The following CTNNA2 variants were observed in gnomAD, a reference collection of about 807,000 sequenced individuals.
CTNNA2 encodes catenin alpha-2.
Under a neutral mutation model 101.0 loss-of-function variants are expected in CTNNA2, and 42 were observed. The observed-to-expected ratio is 0.42, with a 90% CI of 0.32 to 0.54. The LOEUF is 0.54. Ranked by LOEUF, CTNNA2 falls within the 20% of genes least tolerant of loss-of-function variation. CTNNA2 has a pLI of 0.14. For missense variants in CTNNA2, 871 were observed against 1,223.1 expected, an observed-to-expected ratio of 0.71 and a Z score of 4.29; for synonymous variants, 450 against 456.4, an observed-to-expected ratio of 0.99 and a Z score of 0.18.
intron 2 of CTNNA2, among the ~76,000 whole-genome samples, chr2:79,716,443 T>C (rs1285008071): frequency 2.0e-5 from 3 of 152,134 alleles, no homozygotes; most frequent in Non-Finnish European, 2.9e-5. Context: ...CAGCATCCAT[T>C]AGCTATTCTT....
At chr2:80,429,959 A>T (rs916199515) in intron 9 of CTNNA2, among the ~76,000 whole-genome samples, 2 of 152,234 alleles carry the variant, frequency 1.3e-5, no homozygotes, top group Non-Finnish European at 2.9e-5. Context: ...GTAACATTTC[A>T]ATATTTATAC....
At chr2:80,421,518 C>A (rs1162377217) in intron 9 of CTNNA2, among the ~76,000 whole-genome samples, 3 of 152,192 alleles carry the variant, frequency 2.0e-5, no homozygotes, top group Admixed American at 6.5e-5. Flanking sequence ...CACATCCACC[C>A]TCTCCCCTTA....
At chr2:80,484,720 G>T (rs915213346) in intron 9 of CTNNA2, among the ~76,000 whole-genome samples, 1 of 152,072 alleles carries the variant, frequency 6.6e-6, no homozygotes, top group African/African-American at 2.4e-5. Context: ...CAAAATAATG[G>T]GTCTGGCTGG....
chr2:79,619,137 C>T lies in CTNNA2; in HGVS notation c.-5-32415C>T, dbSNP rs139950815. Reference sequence around the variant, plus strand: ...AAGAGAATCACTTCAGCCTGGGAGGCGGAGGTTGCAGTGAGCCGAGATTGC... The same window carrying T: ...AAGAGAATCACTTCAGCCTGGGAGGTGGAGGTTGCAGTGAGCCGAGATTGC... On this transcript the variant is annotated intron_variant, in intron 1 of 18. Coordinates refer to ENST00000402739, the MANE Select transcript of CTNNA2 (RefSeq NM_001282597.3). 4.7e-4 allele frequency among the ~76,000 whole-genome samples: 71 copies of T among 152,312 alleles called. No individual in the cohort carries two copies. In the East Asian group the frequency reaches 0.01, roughly 22 times the overall value.
At chr2:80,298,640 T>G (rs1675971777) in intron 7 of CTNNA2, 1 of 152,246 alleles carries the variant, frequency 6.6e-6, no homozygotes, top group Admixed American at 6.5e-5. Flanking sequence ...TACTCATAAA[T>G]GTGTTGTTGA....
intron 2 of CTNNA2, 137 bp from the exon 3 acceptor site, chr2:79,744,250 G>A: frequency 2.7e-6 from 2 of 738,690 alleles, no homozygotes; most frequent in Non-Finnish European, 4.3e-6. Flanking sequence ...ATGTGAGGAG[G>A]CTAAGTGATG....
upstream of CTNNA2, among the ~76,000 whole-genome samples, chr2:79,509,405 G>A (rs1671487261): frequency 6.6e-6 from 1 of 152,216 alleles, no homozygotes; most frequent in South Asian, 2.1e-4. Flanking sequence ...GGTAAATAGA[G>A]ACAACTGAAT....
chr2:79,965,821 C>A (rs1360133525), intron 7 of CTNNA2, among the ~76,000 whole-genome samples: 25 of 55,234 alleles, frequency 4.5e-4, no homozygotes, highest in African/African-American at 1.8e-3. Flanking sequence ...TGGAGTGAGA[C>A]TATGTCAAAA....
intron 7 of CTNNA2, among the ~76,000 whole-genome samples, chr2:80,167,020 C>G (rs1047916462): frequency 6.6e-6 from 1 of 151,690 alleles, no homozygotes; most frequent in African/African-American, 2.4e-5. Flanking sequence ...GCCAGCCTGA[C>G]TTCTTCTTGC....
chr2:80,330,962 G>T (rs1356130943), intron 7 of CTNNA2, among the ~76,000 whole-genome samples: 1 of 151,428 alleles, frequency 6.6e-6, no homozygotes, highest in African/African-American at 2.4e-5. Flanking sequence ...ATTCTATTTT[G>T]GTTCCAAAAG....
At chr2:80,280,410 A>G (rs1429440788) in intron 7 of CTNNA2, among the ~76,000 whole-genome samples, 2 of 151,656 alleles carry the variant, frequency 1.3e-5, no homozygotes, top group Admixed American at 1.3e-4. Flanking sequence ...TAGGTAATAC[A>G]GCAAAAACAT....
intron 2 of CTNNA2, among the ~76,000 whole-genome samples, chr2:79,721,934 G>A (rs772790883): frequency 9.9e-5 from 15 of 152,062 alleles, no homozygotes; most frequent in Non-Finnish European, 1.5e-4. Context: ...AATAAATACC[G>A]TGCAGATGGG....
intron 2 of CTNNA2, among the ~76,000 whole-genome samples, chr2:79,658,375 G>T (rs1274303414): frequency 6.6e-6 from 1 of 151,922 alleles, no homozygotes; most frequent in Admixed American, 6.6e-5. Context: ...ATGCCTAATG[G>T]TATGCTTACA....
chr2:80,308,208 G>T (rs558284827), intron 7 of CTNNA2, among the ~76,000 whole-genome samples: 7 of 151,980 alleles, frequency 4.6e-5, no homozygotes, highest in Admixed American at 2.6e-4. Flanking sequence ...CTTCCAATTT[G>T]TTCATTTTAG....
At chr2:80,409,621 A>G (rs2149391865) in intron 8 of CTNNA2, among the ~76,000 whole-genome samples, 1 of 152,342 alleles carries the variant, frequency 6.6e-6, no homozygotes, top group African/African-American at 2.4e-5. Flanking sequence ...TAAATGACGG[A>G]ACACTGGCCC....
At chr2:79,371,051 T>C (rs1677859591) in intron 3 of CTNNA2, among the ~76,000 whole-genome samples, 1 of 152,052 alleles carries the variant, frequency 6.6e-6, no homozygotes, top group African/African-American at 2.4e-5. Flanking sequence ...GAGAAGTTTC[T>C]CTGCCACTCT....
At chr2:80,190,646 A>C (rs533353845) in intron 7 of CTNNA2, among the ~76,000 whole-genome samples, 4 of 152,208 alleles carry the variant, frequency 2.6e-5, no homozygotes, top group Admixed American at 6.5e-5. Flanking sequence ...AATCATTGCT[A>C]TCAGGTGCAT....
intron 7 of CTNNA2, among the ~76,000 whole-genome samples, chr2:80,293,600 G>A (rs988518205): frequency 1.3e-5 from 2 of 152,076 alleles, no homozygotes; most frequent in Admixed American, 6.5e-5. Context: ...TATGCTACCC[G>A]TCTGTTTAAG....
Position 80,608,195 on chromosome 2 carries a change from A to G in CTNNA2, c.2307A>G (p.Ser769=). ...ARAVADQCPD[S]ACKQDLLAYL... Reference sequence around the variant, plus strand: ...TTAATGTTTTATAGTGTCCTGATTCAGCATGTAAGCAGGATTTATTAGCCT... The same window carrying G: ...TTAATGTTTTATAGTGTCCTGATTCGGCATGTAAGCAGGATTTATTAGCCT... The change falls in exon 17 of 19, where the codon TCA becomes TCG. Residue 769 remains serine (S), a synonymous_variant. Transcript: ENST00000402739. The G allele has an allele frequency of 6.2e-7, 1 of 1,609,730 alleles. No homozygotes were observed. The highest frequency in any genetic ancestry group is 2.2e-5 in the East Asian group (1 of 44,790).
Sources: allele counts gnomAD v4.1 joint callset (sites outside exome capture counted in the v4.1 genomes callset), GRCh38; gene constraint gnomAD v4.1.1; transcripts MANE v1.5; gene names NCBI Gene and HGNC (gene_info 2026-07-23, HGNC 2026-07-21).